The following ZNF678 variants were observed in gnomAD, a reference collection of about 807,000 sequenced individuals.
The protein encoded by ZNF678 is zinc finger protein 678.
In ZNF678, 5 loss-of-function variants were observed where a neutral mutation model predicts 3.0. That is an observed-to-expected ratio of 1.69 (90% confidence interval 0.88 to 3.56). ZNF678 has a LOEUF of 3.56. ZNF678 is among the 30% of genes most tolerant of loss of function. The pLI is 0.00. For missense variants in ZNF678, 593 were observed against 605.0 expected (o/e 0.98, Z 0.21); for synonymous variants, 218 against 199.6 (o/e 1.09, Z -0.78).
chr1:227,618,918 T>TG lies in ZNF678; in HGVS notation c.-163-27619dup, dbSNP rs368453505. 2.0e-3 allele frequency among the ~76,000 whole-genome samples: 308 copies of TG among 152,156 alleles called. 1 individual carries two copies. Among genetic ancestry groups the TG allele is most frequent in the African/African-American group, 6.5e-3 (269 of 41,494 alleles). On this transcript the variant is annotated intron_variant, in intron 1 of 3. Transcript: ENST00000343776. ...TTTAATTGACTGACTTTCCCATGGC[T>TG]GGGGGGGCCTCAGGAAACTTACAAT...
intron 1 of ZNF678, among the ~76,000 whole-genome samples, chr1:227,574,974 C>T (rs781754782): frequency 2.2e-4 from 34 of 152,050 alleles, no homozygotes; most frequent in Admixed American, 3.9e-4. Flanking sequence ...GATATAGTCT[C>T]ACTCTGTTGC....
At chr1:227,611,840 A>T (rs910456351) in intron 1 of ZNF678, among the ~76,000 whole-genome samples, 2 of 151,872 alleles carry the variant, frequency 1.3e-5, no homozygotes, top group Non-Finnish European at 2.9e-5. Flanking sequence ...TCTACTGAAA[A>T]CAGAGATCTC....
intron 1 of ZNF678, among the ~76,000 whole-genome samples, chr1:227,627,704 C>T (rs1253412658): frequency 6.6e-6 from 1 of 152,164 alleles, no homozygotes; most frequent in African/African-American, 2.4e-5. Flanking sequence ...CTCCTGTGTT[C>T]TAGTGCCCAA....
chr1:227,639,840 T>G (rs189784530), intron 1 of ZNF678, among the ~76,000 whole-genome samples: 2 of 152,170 alleles, frequency 1.3e-5, no homozygotes, highest in Non-Finnish European at 2.9e-5. Flanking sequence ...AACATAGAGG[T>G]CATGCCAGGT....
chr1:227,605,454 A>G (rs1190373757), intron 1 of ZNF678, among the ~76,000 whole-genome samples: 2 of 152,160 alleles, frequency 1.3e-5, no homozygotes, highest in Non-Finnish European at 2.9e-5. Context: ...TTAAAGCAAA[A>G]TTTTCCAGGA....
chr1:227,636,301 G>A (rs570334847), intron 1 of ZNF678, among the ~76,000 whole-genome samples: 9 of 152,192 alleles, frequency 5.9e-5, no homozygotes, highest in African/African-American at 2.2e-4. Flanking sequence ...TTCTAGAACC[G>A]TTTTTCTGTT....
At chr1:227,616,772 A>G (rs1658151617) in intron 1 of ZNF678, among the ~76,000 whole-genome samples, 1 of 152,230 alleles carries the variant, frequency 6.6e-6, no homozygotes, top group African/African-American at 2.4e-5. Flanking sequence ...CATATTATGC[A>G]GAAAAAATCT....
intron 1 of ZNF678, among the ~76,000 whole-genome samples, chr1:227,612,933 C>T (rs1050821973): frequency 2.0e-5 from 3 of 152,192 alleles, no homozygotes; most frequent in African/African-American, 7.2e-5. Flanking sequence ...CTGTGTCAGT[C>T]CTGGCCCCTT....
intron 1 of ZNF678, among the ~76,000 whole-genome samples, chr1:227,572,137 A>G (rs971798219): frequency 5.9e-5 from 9 of 152,272 alleles, no homozygotes; most frequent in African/African-American, 2.2e-4. Context: ...GTTTGTTTTA[A>G]TAAGGCTGTG....
chr1:227,652,651 A>G (rs1659117420), intron 3 of ZNF678, among the ~76,000 whole-genome samples: 1 of 152,124 alleles, frequency 6.6e-6, no homozygotes, highest in Admixed American at 6.6e-5. Flanking sequence ...AGTTGCATAC[A>G]GAAATTTTTT....
chr1:227,593,866 C>T lies in ZNF678; in HGVS notation c.-164+30142C>T, dbSNP rs1431399835. On this transcript the variant is annotated intron_variant, in intron 1 of 3. Coordinates refer to ENST00000343776, the MANE Select transcript of ZNF678 (RefSeq NM_001367909.1). Reference sequence around the variant, plus strand: ...GTGTTATGAGTCCATCCCCCCCCCCCCTTTTTTTTTTTTTTGATGTACGAA... The same window carrying T: ...GTGTTATGAGTCCATCCCCCCCCCCTCTTTTTTTTTTTTTTGATGTACGAA... Among the ~76,000 whole-genome samples, 311 of 85,656 alleles carry T rather than the reference C, an allele frequency of 3.6e-3. 6 individuals carry two copies. Among genetic ancestry groups the T allele is most frequent in the African/African-American group, 8.2e-3 (135 of 16,550 alleles). 56.2% of individuals were successfully genotyped at this position (85,656 alleles called of 152,430 possible). A position where few individuals can be genotyped will look rare whatever the true frequency, so the allele number is the denominator to read the frequency against.
intron 1 of ZNF678, among the ~76,000 whole-genome samples, chr1:227,625,181 C>CA (rs1424332093): frequency 6.6e-6 from 1 of 152,146 alleles, no homozygotes; most frequent in African/African-American, 2.4e-5. Flanking sequence ...AGCTGAGTTA[C>CA]AAGCCCCGTG....
Position 227,617,723 on chromosome 1 carries a change from T to C in ZNF678, c.-163-28821T>C, listed in dbSNP as rs895499535. Among the ~76,000 whole-genome samples the C allele has an allele frequency of 3.9e-5, 6 of 152,146 alleles. No homozygotes were observed. The South Asian group carries it at 6.2e-4, about 16-fold the overall frequency. On this transcript the variant is annotated intron_variant, in intron 1 of 3. Transcript: ENST00000343776. ...GGTCAGTGATTTGGAAGGAACATGA[T>C]TGAAAAATTGATGAAAGGGAATTCT... is the stretch of plus-strand genomic sequence containing the variant.
chr1:227,654,430 C>A lies in ZNF678; in HGVS notation c.180C>A (p.Gly60=). 6.2e-7 allele frequency: 1 copy of A among 1,612,804 alleles called. No individual in the cohort carries two copies. The highest frequency in any genetic ancestry group is 8.5e-7 in the Non-Finnish European group (1 of 1,179,300). The change falls in exon 4 of 4, where the codon GGC becomes GGA. Residue 60 remains glycine (G), a synonymous_variant. Coordinates refer to ENST00000343776, the MANE Select transcript of ZNF678 (RefSeq NM_001367909.1). ...CACTGACAAGACATAGAAGCTGGGG[C>A]CTTGACAATTTGCACTTAGTGAAAG... is the stretch of plus-strand genomic sequence containing the variant. ...KVTLTRHRSW[G]LDNLHLVKDW...
chr1:227,595,733 T>A (rs1340724986), intron 1 of ZNF678, among the ~76,000 whole-genome samples: 1 of 151,942 alleles, frequency 6.6e-6, no homozygotes, highest in African/African-American at 2.4e-5. Flanking sequence ...TATCCAGAAA[T>A]CCAAGCCAGG....
intron 5 of ZNF678, among the ~76,000 whole-genome samples, chr1:227,675,357 A>G (rs1038455703): frequency 2.0e-5 from 3 of 152,164 alleles, no homozygotes; most frequent in African/African-American, 7.2e-5. Context: ...GAACTGTGGG[A>G]AAGTTAATTT....
intron 1 of ZNF678, chr1:227,598,593 G>C (rs962114069): frequency 1.4e-4 from 88 of 634,552 alleles, no homozygotes; most frequent in Non-Finnish European, 1.6e-5. Context: ...CAAGGACTTG[G>C]ATGATAAAGG....
At chr1:227,617,830 G>A (rs566203906) in intron 1 of ZNF678, among the ~76,000 whole-genome samples, 1 of 152,180 alleles carries the variant, frequency 6.6e-6, no homozygotes, top group African/African-American at 2.4e-5. Context: ...GTGAACCAAA[G>A]TGTGATCCCA....
At chr1:227,666,741 CTTTTTTTTTTT>C (rs1182440018), downstream of ZNF678, among the ~76,000 whole-genome samples, 1 of 115,170 alleles carries the variant, frequency 8.7e-6, no homozygotes, top group Non-Finnish European at 1.8e-5. Context: ...TTCTTTCTTG[CTTTTTTTTTTT>C]TTTTTTTTTG....
Sources: gnomAD v4.1 joint callset for allele counts (sites outside exome capture counted in the v4.1 genomes callset) on GRCh38, gnomAD v4.1.1 for gene constraint, MANE v1.5 for transcripts, NCBI Gene and HGNC (gene_info 2026-07-23, HGNC 2026-07-21) for gene names.